SYNE2: variants seen among roughly 807,000 people sequenced by gnomAD.
The protein encoded by SYNE2 is nesprin-2.
Under a neutral mutation model 856.3 loss-of-function variants are expected in SYNE2, and 431 were observed. The ratio of observed to expected loss-of-function variants is 0.50; its 90% CI spans 0.47 to 0.55. SYNE2 has a LOEUF of 0.55. SYNE2 is among the 20% of genes least tolerant of loss of function. The pLI is 0.00. For synonymous variants in SYNE2, 2,923 were observed against 2,872.3 expected (o/e 1.02, Z -0.56); for missense variants, 8,129 against 8,023.2 (o/e 1.01, Z -0.50).
At chr14:63,799,535 A>C (rs1424133389) in intron 1 of SYNE2, among the ~76,000 whole-genome samples, 1 of 151,982 alleles carries the variant, frequency 6.6e-6, no homozygotes, top group Admixed American at 6.6e-5. Flanking sequence ...TACTAAAAAA[A>C]CAAAACAAAA....
intron 1 of SYNE2, among the ~76,000 whole-genome samples, chr14:63,895,591 A>AG (rs1491514907): frequency 1.1e-5 from 1 of 92,662 alleles, no homozygotes; most frequent in Admixed American, 1.0e-4. Flanking sequence ...TGTCTCTATC[A>AG]AAAAAAAAAA....
intron 87 of SYNE2, among the ~76,000 whole-genome samples, chr14:64,161,188 C>G (rs2098326599): frequency 6.6e-6 from 1 of 151,782 alleles, no homozygotes; most frequent in Non-Finnish European, 1.5e-5. Context: ...TACAAAAAAA[C>G]AAAAATTAGC....
chr14:63,944,824 CTTTTTTT>C lies in SYNE2; in HGVS notation c.408+2700_408+2706del, dbSNP rs55906748. Reference sequence around the variant, plus strand: ...GTGAGCCACCGTGCTGGGCTTAAAGCTTTTTTTTTTTTTTTTTTTTTTTTTGAAACTT... The same window carrying C: ...GTGAGCCACCGTGCTGGGCTTAAAGCTTTTTTTTTTTTTTTTTTGAAACTT... On this transcript the variant is annotated intron_variant, in intron 6 of 115. Coordinates refer to ENST00000555002, the MANE Select transcript of SYNE2 (RefSeq NM_182914.3). 9.5e-3 allele frequency among the ~76,000 whole-genome samples: 448 copies of C among 46,942 alleles called. 7 individuals are homozygous for C. Among genetic ancestry groups the C allele is most frequent in the African/African-American group, 0.041 (398 of 9,782 alleles). 30.8% of individuals were successfully genotyped at this position (46,942 alleles called of 152,430 possible). A position where few individuals can be genotyped will look rare whatever the true frequency, so the allele number is the denominator to read the frequency against.
chr14:64,141,318 T>C, intron 80 of SYNE2, 23 bp from the exon 81 acceptor site: 1 of 1,602,636 alleles, frequency 6.2e-7, no homozygotes, highest in Non-Finnish European at 8.5e-7. Flanking sequence ...TTTAAGTTTC[T>C]AAATTTTAAA....
At position 64,021,463 on chromosome 14, in the gene SYNE2, T is replaced by G; in HGVS notation, c.5300T>G (p.Leu1767Arg). The G allele has an allele frequency of 6.2e-7, 1 of 1,614,148 alleles. No individual in the cohort carries two copies. The highest frequency in any genetic ancestry group is 8.5e-7 in the Non-Finnish European group (1 of 1,180,022). The change falls in exon 36 of 116, where the codon CTC becomes CGC. Residue 1767 changes from leucine (L) to arginine (R), a missense_variant. By Grantham distance (102) the Leu-to-Arg change is moderately radical (BLOSUM62 -2). Coordinates refer to ENST00000555002, the MANE Select transcript of SYNE2 (RefSeq NM_182914.3). ...AKTQIGMTES[L>R]LKALSPSDSL... ...ACCCAGATCGGGATGACTGAATCCC[T>G]CTTAAAAGCCCTGTCTCCTTCTGAC...
chr14:63,975,240 A>T (rs1295697163), intron 11 of SYNE2, among the ~76,000 whole-genome samples: 1 of 151,336 alleles, frequency 6.6e-6, no homozygotes, highest in Non-Finnish European at 1.5e-5. Context: ...CCTTCTTTCC[A>T]TTCTCCTTTC....
At chr14:63,929,030 T>G (rs77185893) in intron 2 of SYNE2, among the ~76,000 whole-genome samples, 1,625 of 152,296 alleles carry the variant, frequency 0.011, 26 homozygotes, top group African/African-American at 0.037. Context: ...TTTGTTCTAA[T>G]ATTTGATCTT....
chr14:63,855,756 G>A (rs759457014), intron 1 of SYNE2, among the ~76,000 whole-genome samples: 21 of 152,146 alleles, frequency 1.4e-4, no homozygotes, highest in Non-Finnish European at 2.9e-4. Flanking sequence ...GTCTTTTTCG[G>A]GAGATTTTAT....
chr14:64,208,620 C>T (rs1167386592), intron 100 of SYNE2, 138 bp from the exon 101 acceptor site: 3 of 859,410 alleles, frequency 3.5e-6, no homozygotes, highest in Non-Finnish European at 5.7e-6. Flanking sequence ...ATGTGTACTG[C>T]CAAGTTCATG....
rs114846497 is a variant in SYNE2, at chr14:64,069,031, A to G, written c.10432-1614A>G. Among the ~76,000 whole-genome samples, 662 of 152,278 alleles carry G rather than the reference A, an allele frequency of 4.3e-3. 1 individual carries two copies. The highest frequency in any genetic ancestry group is 0.015 in the African/African-American group (637 of 41,576). On this transcript the variant is annotated intron_variant, in intron 51 of 115. Transcript: ENST00000555002. ...AGGAGTGGTAGATGAGGGGAGCCGA[A>G]ACAGGAAAGGTCTGAGCCTTTATTC...
At chr14:64,118,982 A>T (rs2097876658) in intron 66 of SYNE2, among the ~76,000 whole-genome samples, 3 of 152,204 alleles carry the variant, frequency 2.0e-5, no homozygotes, top group African/African-American at 7.2e-5. Context: ...ACTCCTGATA[A>T]TGACCTTAGG....
rs1487145774 is a variant in SYNE2 at position 64,121,208 on chromosome 14, A to T, written c.13158+147A>T. On this transcript the variant is annotated intron_variant, in intron 68 of 115. Transcript: ENST00000555002. ...TGTTCGAGGCCAGCCTGGGCAACATAGCGAGACCCTGTTTCAAAAACCAAA... is the reference window on the plus strand; with the variant it reads ...TGTTCGAGGCCAGCCTGGGCAACATTGCGAGACCCTGTTTCAAAAACCAAA... 9.8e-6 allele frequency: 11 copies of T among 1,123,512 alleles called. No homozygotes were observed. The Admixed American group carries it at 2.5e-4, about 25-fold the overall frequency. 69.6% of individuals were successfully genotyped at this position (1,123,512 alleles called of 1,614,324 possible). A position where few individuals can be genotyped will look rare whatever the true frequency, so the allele number is the denominator to read the frequency against.
rs116067181 is a variant in SYNE2, at chr14:63,789,445, G to A, written c.-305+27459G>A. Among the ~76,000 whole-genome samples the A allele has an allele frequency of 5.5e-4, 84 of 152,122 alleles. No individual in the cohort carries two copies. In the East Asian group the frequency reaches 8.5e-3, roughly 15 times the overall value. Reference sequence around the variant, plus strand: ...TTGTTTGCTTTTTCATTCTTTGCACGCCTGAAAATATTCCCATTTCCCATC... The same window carrying A: ...TTGTTTGCTTTTTCATTCTTTGCACACCTGAAAATATTCCCATTTCCCATC... On this transcript the variant is annotated intron_variant, in intron 1 of 23. Coordinates refer to the SYNE2 transcript ENST00000674003.
At chr14:63,861,445 A>AC (rs1893689813) in intron 1 of SYNE2, among the ~76,000 whole-genome samples, 1 of 151,284 alleles carries the variant, frequency 6.6e-6, no homozygotes, top group East Asian at 1.9e-4. Flanking sequence ...GCCTGGCCCT[A>AC]CCCCGTTGTA....
intron 1 of SYNE2, among the ~76,000 whole-genome samples, chr14:63,902,407 CAAAAAAAAA>C (rs10533353): frequency 2.7e-5 from 2 of 74,642 alleles, no homozygotes; most frequent in Admixed American, 1.6e-4. Flanking sequence ...CGAGACTCCT[CAAAAAAAAA>C]AAAAAAAAAA....
intron 27 of SYNE2, among the ~76,000 whole-genome samples, chr14:64,000,140 A>T (rs945470001): frequency 6.6e-6 from 1 of 152,236 alleles, no homozygotes; most frequent in Non-Finnish European, 1.5e-5. Context: ...TAAACCATAA[A>T]TTAATTTAAG....
chr14:64,027,289 TACTC>T (rs1375147353), intron 42 of SYNE2, among the ~76,000 whole-genome samples, 191 bp from the exon 43 acceptor site: 49 of 152,222 alleles, frequency 3.2e-4, no homozygotes, highest in African/African-American at 1.1e-3. Flanking sequence ...TTTTTAGTAA[TACTC>T]AAATAATTTC....
At chr14:63,896,742 C>T (rs1566740875) in intron 1 of SYNE2, among the ~76,000 whole-genome samples, 1 of 152,164 alleles carries the variant, frequency 6.6e-6, no homozygotes, top group Non-Finnish European at 1.5e-5. Context: ...TCTCATTTCT[C>T]TAACTTACAT....
At chr14:64,178,206 T>G (rs1221284256) in intron 96 of SYNE2, among the ~76,000 whole-genome samples, 1 of 152,216 alleles carries the variant, frequency 6.6e-6, no homozygotes, top group Admixed American at 6.5e-5. Context: ...GGCCAGAAAT[T>G]AGTGTCTTTC....
Sources: allele counts gnomAD v4.1 joint callset (sites outside exome capture counted in the v4.1 genomes callset), GRCh38; gene constraint gnomAD v4.1.1; transcripts MANE v1.5; gene names NCBI Gene and HGNC (gene_info 2026-07-23, HGNC 2026-07-21).